Variants in CTSB observed in about 807,000 individuals in gnomAD.
CTSB encodes the protein cathepsin B.
CTSB carries 57 observed loss-of-function variants against 44.3 expected under a neutral mutation model. That is an observed-to-expected ratio of 1.29 (90% CI 1.04 to 1.60). The LOEUF is 1.60. Among genes scored for constraint, CTSB ranks in the 40% most tolerant of loss-of-function variants. The pLI, the probability that CTSB is intolerant of heterozygous loss-of-function variation, is 0.00. For synonymous variants in CTSB, 320 were observed against 168.0 expected, an observed-to-expected ratio of 1.91 and a Z score of -7.00; for missense variants, 768 against 443.0, an observed-to-expected ratio of 1.73 and a Z score of -6.59.
chr8:11,857,833 C>G (rs1815754345), intron 1 of CTSB: 1 of 152,578 alleles, frequency 6.6e-6, no homozygotes, highest in African/African-American at 2.4e-5. Flanking sequence ...AGGCTGAGCG[C>G]TGGGAAGTTC....
In CTSB at chr8:11,868,063, G is replaced by C. The variant is rs573317719; in HGVS notation, c.-88C>G. On this transcript the variant is annotated 5_prime_UTR_variant, in exon 1 of 10. Coordinates refer to ENST00000353047, the MANE Select transcript of CTSB (RefSeq NM_001908.5). ...CGCAGCGGAGCGGTTGGCGTTGCCG[G>C]AGCGGTTGCCGGAGCCCTGCAGCCG... The C allele has an allele frequency of 5.9e-5, 9 of 152,710 alleles. No homozygotes were observed. Among genetic ancestry groups the C allele is most frequent in the African/African-American group, 2.2e-4 (9 of 41,540 alleles). 9.5% of individuals were successfully genotyped at this position (152,710 alleles called of 1,614,324 possible).
chr8:11,859,057 C>T (rs573573265), intron 1 of CTSB, among the ~76,000 whole-genome samples: 42 of 152,132 alleles, frequency 2.8e-4, no homozygotes, highest in Admixed American at 2.2e-3. Flanking sequence ...ATCTCTAGAC[C>T]TTGGTCTGCT....
At chr8:11,853,678 G>C in intron 1 of CTSB, 199 bp from the exon 2 acceptor site, 1 of 513,724 alleles carries the variant, frequency 1.9e-6, no homozygotes, top group East Asian at 3.3e-5. Context: ...TGGGTCCCCG[G>C]GGGCCAGGCG....
At chr8:11,854,205 TG>T (rs1009491359) in intron 1 of CTSB, among the ~76,000 whole-genome samples, 6 of 152,170 alleles carry the variant, frequency 3.9e-5, no homozygotes, top group African/African-American at 1.4e-4. Context: ...ACATGTCTCC[TG>T]GGCGCCTGCA....
Position 11,865,337 on chromosome 8 carries a change from G to C in CTSB, c.-26+2664C>G, listed in dbSNP as rs1022435457. 3.3e-5 allele frequency: 5 copies of C among 152,328 alleles called. No homozygotes were observed. In the East Asian group the frequency reaches 7.7e-4, roughly 24 times the overall value. The allele number at this position is 152,328 out of a possible 1,614,324, so 9.4% of individuals were successfully genotyped here. A position where few individuals can be genotyped will look rare whatever the true frequency, so the allele number is the denominator to read the frequency against. ...AGGTGGGCGGATCACGAGGTCAGGAGTTCGAGACCAGCCTGGCCAACGTGG... is the reference window on the plus strand; with the variant it reads ...AGGTGGGCGGATCACGAGGTCAGGACTTCGAGACCAGCCTGGCCAACGTGG... On this transcript the variant is annotated intron_variant, in intron 1 of 9. Transcript: ENST00000353047.
At chr8:11,866,646 G>A (rs892324782) in intron 1 of CTSB, among the ~76,000 whole-genome samples, 2 of 152,154 alleles carry the variant, frequency 1.3e-5, no homozygotes, top group Non-Finnish European at 2.9e-5. Flanking sequence ...GATCACCTGA[G>A]GTCAGGAGGT....
intron 5 of CTSB, chr8:11,848,741 G>C (rs1813944486): frequency 9.6e-6 from 3 of 313,232 alleles, no homozygotes; most frequent in South Asian, 6.5e-5. Context: ...GGTTCCCCAA[G>C]CAGGAAAAAG....
At chr8:11,859,646 T>G (rs920686044) in intron 1 of CTSB, among the ~76,000 whole-genome samples, 6 of 150,940 alleles carry the variant, frequency 4.0e-5, no homozygotes, top group African/African-American at 1.5e-4. Context: ...TGGGTGCCTG[T>G]AATCCCACCT....
chr8:11,857,585 G>C (rs952731314), intron 1 of CTSB, among the ~76,000 whole-genome samples: 3 of 152,190 alleles, frequency 2.0e-5, no homozygotes, highest in South Asian at 4.1e-4. Context: ...TGGTGGCTGA[G>C]AACACAGGCA....
intron 1 of CTSB, among the ~76,000 whole-genome samples, chr8:11,856,401 G>T (rs564222553): frequency 6.6e-6 from 1 of 152,300 alleles, no homozygotes; most frequent in Non-Finnish European, 1.5e-5. Flanking sequence ...ATCACCTGAG[G>T]TCAGGAGTTA....
intron 8 of CTSB, chr8:11,846,259 G>A (rs1287242885): frequency 6.6e-6 from 1 of 152,620 alleles, no homozygotes; most frequent in African/African-American, 2.4e-5. Context: ...AAAGATACTG[G>A]CTAAGGGGCT....
At chr8:11,864,844 G>A (rs1324290585) in intron 1 of CTSB, among the ~76,000 whole-genome samples, 1 of 151,686 alleles carries the variant, frequency 6.6e-6, no homozygotes, top group Non-Finnish European at 1.5e-5. Context: ...AACCTGGGAG[G>A]TGAGGTTGCA....
intron 8 of CTSB, 80 bp from the exon 9 acceptor site, chr8:11,845,869 A>G: frequency 1.4e-6 from 2 of 1,461,184 alleles, no homozygotes; most frequent in Admixed American, 2.3e-5. Flanking sequence ...TCAGCTGGTC[A>G]TGCTCCGGGA....
chr8:11,851,151 T>G (rs1450212635), intron 3 of CTSB, among the ~76,000 whole-genome samples, 171 bp from the exon 4 acceptor site: 1 of 151,636 alleles, frequency 6.6e-6, no homozygotes, highest in African/African-American at 2.4e-5. Flanking sequence ...CAAAAGGAAA[T>G]TCTGTTGCTC....
chr8:11,863,441 C>A (rs1472165430), intron 1 of CTSB, among the ~76,000 whole-genome samples: 2 of 151,378 alleles, frequency 1.3e-5, no homozygotes, highest in Non-Finnish European at 2.9e-5. Flanking sequence ...CCTGGCGACA[C>A]AGTGAGACTC....
At chr8:11,858,219 T>G (rs565860282) in intron 1 of CTSB, among the ~76,000 whole-genome samples, 32 of 152,350 alleles carry the variant, frequency 2.1e-4, no homozygotes, top group Admixed American at 1.4e-3. Flanking sequence ...CCTCTAACAC[T>G]TCTAGCTCTC....
At chr8:11,849,291 G>T in intron 4 of CTSB, 127 bp from the exon 5 acceptor site, 1 of 612,646 alleles carries the variant, frequency 1.6e-6, no homozygotes, top group Non-Finnish European at 2.9e-6. Context: ...ACCAGGGGAC[G>T]CTCCTGGGGC....
At chr8:11,856,103 A>G (rs1473176287) in intron 1 of CTSB, among the ~76,000 whole-genome samples, 6 of 152,136 alleles carry the variant, frequency 3.9e-5, no homozygotes, top group African/African-American at 1.2e-4. Context: ...TTCAGCATGT[A>G]TCAGATTGGC....
chr8:11,866,218 A>G (rs1285132546), intron 1 of CTSB, among the ~76,000 whole-genome samples: 1 of 152,152 alleles, frequency 6.6e-6, no homozygotes, highest in African/African-American at 2.4e-5. Context: ...AAAGAAAAGA[A>G]CCTGCCTACA....
Sources: allele counts gnomAD v4.1 joint callset (sites outside exome capture counted in the v4.1 genomes callset), GRCh38; gene constraint gnomAD v4.1.1; transcripts MANE v1.5; gene names NCBI Gene and HGNC (gene_info 2026-07-23, HGNC 2026-07-21).